PPP1R16B: variants seen among roughly 807,000 people sequenced by gnomAD.
PPP1R16B encodes protein phosphatase 1 regulatory subunit 16B, also known as protein phosphatase 1 regulatory inhibitor subunit 16B.
PPP1R16B carries 14 observed loss-of-function variants against 61.7 expected under a neutral mutation model. The observed-to-expected ratio is 0.23, with a 90% CI of 0.15 to 0.35. PPP1R16B has a LOEUF of 0.35. PPP1R16B is among the 10% of genes least tolerant of loss of function. PPP1R16B has a pLI of 1.00. For synonymous variants in PPP1R16B, 266 were observed against 305.3 expected (o/e 0.87, Z 1.34); for missense variants, 547 against 752.5 (o/e 0.73, Z 3.19).
chr20:38,878,666 A>G (rs2085184855), intron 2 of PPP1R16B, among the ~76,000 whole-genome samples: 1 of 152,198 alleles, frequency 6.6e-6, no homozygotes, highest in African/African-American at 2.4e-5. Context: ...GGATTGAGGC[A>G]TCCCAGGGAT....
chr20:38,854,893 C>T (rs906271796), intron 2 of PPP1R16B, among the ~76,000 whole-genome samples: 1 of 152,218 alleles, frequency 6.6e-6, no homozygotes, highest in African/African-American at 2.4e-5. Flanking sequence ...ATTGCCATAA[C>T]TACTCCCATT....
At chr20:38,915,253 T>C (rs1366463843) in intron 10 of PPP1R16B, among the ~76,000 whole-genome samples, 2 of 152,166 alleles carry the variant, frequency 1.3e-5, no homozygotes, top group Non-Finnish European at 2.9e-5. Context: ...GTCATGATAG[T>C]GTCACACAGA....
At chr20:38,862,266 A>G (rs1213221377) in intron 2 of PPP1R16B, among the ~76,000 whole-genome samples, 1 of 152,264 alleles carries the variant, frequency 6.6e-6, no homozygotes, top group East Asian at 1.9e-4. Flanking sequence ...GACAAAGGCA[A>G]TGTTAGCATA....
intron 2 of PPP1R16B, 78 bp from the exon 3 acceptor site, chr20:38,889,517 C>T (rs2085275162): frequency 4.0e-6 from 5 of 1,250,842 alleles, no homozygotes; most frequent in Admixed American, 1.7e-5. Context: ...TGGGGGAGAG[C>T]GGGTCTTACC....
At chr20:38,904,441 C>T (rs1338670249) in intron 6 of PPP1R16B, among the ~76,000 whole-genome samples, 3 of 152,238 alleles carry the variant, frequency 2.0e-5, no homozygotes, top group Non-Finnish European at 4.4e-5. Context: ...AAGTGCTTAG[C>T]ACAGTCTGCA....
At chr20:38,830,445 C>T (rs2084829972) in intron 1 of PPP1R16B, among the ~76,000 whole-genome samples, 1 of 152,208 alleles carries the variant, frequency 6.6e-6, no homozygotes, top group Non-Finnish European at 1.5e-5. Flanking sequence ...TTTTTCTTTA[C>T]TATCAACTTC....
intron 2 of PPP1R16B, among the ~76,000 whole-genome samples, chr20:38,861,954 C>T (rs1285434387): frequency 2.0e-5 from 3 of 152,018 alleles, no homozygotes; most frequent in Non-Finnish European, 4.4e-5. Context: ...GGATTACAGG[C>T]GTGAGCCACC....
intron 1 of PPP1R16B, among the ~76,000 whole-genome samples, chr20:38,822,217 G>A (rs1348772307): frequency 6.6e-6 from 1 of 151,688 alleles, no homozygotes; most frequent in Non-Finnish European, 1.5e-5. Flanking sequence ...TTTGGGCACT[G>A]TTTATACTCA....
At chr20:38,852,029 T>C (rs1297111739) in intron 2 of PPP1R16B, among the ~76,000 whole-genome samples, 2 of 152,082 alleles carry the variant, frequency 1.3e-5, no homozygotes, top group African/African-American at 4.8e-5. Context: ...CAAGGCCCTG[T>C]ATCTCGCGGG....
intron 2 of PPP1R16B, among the ~76,000 whole-genome samples, chr20:38,881,718 T>C (rs1371673038): frequency 6.6e-6 from 1 of 152,228 alleles, no homozygotes; most frequent in Admixed American, 6.5e-5. Flanking sequence ...GGCAACTGTC[T>C]TCTCTATCAC....
At chr20:38,901,484 A>G (rs2085393830) in intron 5 of PPP1R16B, among the ~76,000 whole-genome samples, 2 of 152,202 alleles carry the variant, frequency 1.3e-5, no homozygotes, top group Non-Finnish European at 1.5e-5. Context: ...ATCTCGGCTC[A>G]CTGCAACCTC....
chr20:38,911,646 C>G (rs556253803), intron 10 of PPP1R16B, among the ~76,000 whole-genome samples: 2 of 152,036 alleles, frequency 1.3e-5, no homozygotes, highest in Non-Finnish European at 2.9e-5. Context: ...AAGCGATTCT[C>G]CTGCCTCAGC....
At chr20:38,911,667 G>T (rs2085491521) in intron 10 of PPP1R16B, among the ~76,000 whole-genome samples, 1 of 151,980 alleles carries the variant, frequency 6.6e-6, no homozygotes. Context: ...CTCCTGAGTA[G>T]CTGGGATTAC....
chr20:38,901,723 T>C (rs1385608175), intron 5 of PPP1R16B, among the ~76,000 whole-genome samples: 2 of 152,240 alleles, frequency 1.3e-5, no homozygotes, highest in Non-Finnish European at 2.9e-5. Context: ...ATAATGTTTT[T>C]AAATGCAGTT....
intron 1 of PPP1R16B, among the ~76,000 whole-genome samples, chr20:38,825,298 T>A (rs1022978979): frequency 2.6e-5 from 4 of 152,080 alleles, no homozygotes; most frequent in Non-Finnish European, 5.9e-5. Flanking sequence ...CTCCCCACAT[T>A]CCAGGGCCAG....
chr20:38,837,628 C>A (rs2084881050), intron 2 of PPP1R16B, among the ~76,000 whole-genome samples: 1 of 151,524 alleles, frequency 6.6e-6, no homozygotes, highest in South Asian at 2.1e-4. Context: ...TCACTGCAAC[C>A]TCTGCCTCCC....
chr20:38,887,203 G>T (rs1391703286), intron 2 of PPP1R16B, among the ~76,000 whole-genome samples: 1 of 152,242 alleles, frequency 6.6e-6, no homozygotes, highest in Non-Finnish European at 1.5e-5. Flanking sequence ...GCCACAAGAA[G>T]TGATGTGACT....
At chr20:38,862,354 C>T (rs189782562) in intron 2 of PPP1R16B, among the ~76,000 whole-genome samples, 2 of 152,188 alleles carry the variant, frequency 1.3e-5, no homozygotes, top group African/African-American at 4.8e-5. Flanking sequence ...TATTATACAC[C>T]CATTTTATGG....
chr20:38,869,092 G>A (rs1239708158), intron 2 of PPP1R16B, among the ~76,000 whole-genome samples: 1 of 151,910 alleles, frequency 6.6e-6, no homozygotes, highest in Non-Finnish European at 1.5e-5. Flanking sequence ...CCCCACTAAA[G>A]GCTATTTTTT....
Sources: gnomAD v4.1 joint callset for allele counts (sites outside exome capture counted in the v4.1 genomes callset) on GRCh38, gnomAD v4.1.1 for gene constraint, MANE v1.5 for transcripts, NCBI Gene and HGNC (gene_info 2026-07-23, HGNC 2026-07-21) for gene names.